The following MINDY2 variants were observed in gnomAD, a reference collection of about 807,000 sequenced individuals.
The protein encoded by MINDY2 is ubiquitin carboxyl-terminal hydrolase MINDY-2.
A neutral mutation model predicts 68.2 loss-of-function variants in MINDY2; 52 were observed. The ratio of observed to expected loss-of-function variants is 0.76; its 90% CI spans 0.61 to 0.96. The LOEUF (loss-of-function observed/expected upper bound fraction) is 0.96, where lower values mean the gene tolerates loss of function less well. MINDY2 is among the 40% of genes least tolerant of loss of function. MINDY2 has a pLI of 0.00. For missense variants in MINDY2, 881 were observed against 773.4 expected, an observed-to-expected ratio of 1.14 and a Z score of -1.65; for synonymous variants, 372 against 303.0, an observed-to-expected ratio of 1.23 and a Z score of -2.36.
chr15:58,794,230 A>T (rs1595717228), intron 2 of MINDY2, among the ~76,000 whole-genome samples: 1 of 152,172 alleles, frequency 6.6e-6, no homozygotes, highest in East Asian at 1.9e-4. Flanking sequence ...GTTGAAGGAA[A>T]ATGTAATGAG....
At chr15:58,780,532 C>T (rs373379122) in intron 1 of MINDY2, among the ~76,000 whole-genome samples, 2 of 152,194 alleles carry the variant, frequency 1.3e-5, no homozygotes, top group South Asian at 2.1e-4. Context: ...TTCAAGATAG[C>T]AATAAGTCTG....
Position 58,833,827 on chromosome 15 carries a change from G to A in MINDY2, c.1368+1911G>A, listed in dbSNP as rs560650467. Among the ~76,000 whole-genome samples, 397 of 151,938 alleles carry A rather than the reference G, an allele frequency of 2.6e-3. 1 individual carries two copies. The highest frequency in any genetic ancestry group is 5.0e-3 in the Admixed American group (76 of 15,238). ...CAGAAGCCTTCCTCTTATCTCAACT[G>A]CAAAGAGGCGTTCCTTCCTCTTTTA... On this transcript the variant is annotated intron_variant, in intron 6 of 8. Coordinates refer to ENST00000559228, the MANE Select transcript of MINDY2 (RefSeq NM_001040450.3).
In MINDY2 at chr15:58,855,275, A is replaced by G. The variant is rs1285238121; in HGVS notation, c.*665A>G. On this transcript the variant is annotated 3_prime_UTR_variant, in exon 9 of 9. Coordinates refer to ENST00000559228, the MANE Select transcript of MINDY2 (RefSeq NM_001040450.3). ...CTTTTCCAATAGCAAAAAGTTACAT[A>G]ACACTAATACTTATAACCTATCAAT... 1 of 152,652 alleles carries G rather than the reference A, an allele frequency of 6.6e-6. No individual in the cohort carries two copies. Among genetic ancestry groups the G allele is most frequent in the Non-Finnish European group, 1.5e-5 (1 of 68,044 alleles). 9.5% of individuals were successfully genotyped at this position (152,652 alleles called of 1,614,324 possible). A position where few individuals can be genotyped will look rare whatever the true frequency, so the allele number is the denominator to read the frequency against.
At chr15:58,781,055 AT>A (rs201302916) in intron 1 of MINDY2, among the ~76,000 whole-genome samples, 1 of 150,296 alleles carries the variant, frequency 6.7e-6, no homozygotes, top group Admixed American at 6.7e-5. Context: ...TTACTAGTTA[AT>A]TTTTTTTTTC....
chr15:58,848,421 T>C (rs1190964306), intron 7 of MINDY2, among the ~76,000 whole-genome samples: 1 of 152,150 alleles, frequency 6.6e-6, no homozygotes, highest in African/African-American at 2.4e-5. Flanking sequence ...ATAATGGCAA[T>C]TTGAAGAGCA....
chr15:58,774,753 T>C (rs2140887275), intron 1 of MINDY2, among the ~76,000 whole-genome samples: 1 of 152,250 alleles, frequency 6.6e-6, no homozygotes, highest in South Asian at 2.1e-4. Flanking sequence ...AATAGTGTAT[T>C]GAAAGATACT....
chr15:58,795,816 T>G (rs1215732681), intron 2 of MINDY2, among the ~76,000 whole-genome samples: 3 of 152,058 alleles, frequency 2.0e-5, no homozygotes, highest in Admixed American at 1.3e-4. Context: ...AAGAACCAGT[T>G]TTTGCCCCTT....
intron 5 of MINDY2, among the ~76,000 whole-genome samples, chr15:58,827,492 CTTG>C (rs1412665450): frequency 6.6e-6 from 1 of 152,122 alleles, no homozygotes; most frequent in African/African-American, 2.4e-5. Flanking sequence ...AGAACGGAGT[CTTG>C]TTGTGTCATC....
At chr15:58,809,329 T>C (rs1356901125) in intron 3 of MINDY2, among the ~76,000 whole-genome samples, 1 of 152,204 alleles carries the variant, frequency 6.6e-6, no homozygotes, top group African/African-American at 2.4e-5. Context: ...ATACAGTATT[T>C]TTACTTTTGT....
intron 8 of MINDY2, among the ~76,000 whole-genome samples, chr15:58,852,965 TTTTTTA>T (rs2032906333): frequency 6.9e-5 from 2 of 29,076 alleles, no homozygotes; most frequent in Non-Finnish European, 8.7e-5. Flanking sequence ...TTTTTTTTTT[TTTTTTA>T]AGACAGAGTC....
chr15:58,772,537 A>G, intron 1 of MINDY2, among the ~76,000 whole-genome samples: 1 of 152,350 alleles, frequency 6.6e-6, no homozygotes, highest in Non-Finnish European at 1.5e-5. Context: ...ATTTTAAACT[A>G]TAATTTCCTA....
At chr15:58,800,682 C>T (rs1424440086) in intron 2 of MINDY2, among the ~76,000 whole-genome samples, 9 of 139,970 alleles carry the variant, frequency 6.4e-5, no homozygotes, top group Non-Finnish European at 1.1e-4. Context: ...TTTTTTGAAA[C>T]GATTAGCCAG....
intron 8 of MINDY2, among the ~76,000 whole-genome samples, chr15:58,853,560 C>T (rs954957408): frequency 2.6e-5 from 4 of 151,950 alleles, no homozygotes; most frequent in African/African-American, 7.3e-5. Flanking sequence ...GTGGCTCACA[C>T]GTATAATCCC....
At chr15:58,794,359 GTGT>G (rs1288108245) in intron 2 of MINDY2, among the ~76,000 whole-genome samples, 1 of 18,424 alleles carries the variant, frequency 5.4e-5, no homozygotes, top group Admixed American at 4.9e-4. Flanking sequence ...TTTTTTTGGG[GTGT>G]GTGTGTGTGT....
chr15:58,838,815 A>G (rs2141036807), intron 6 of MINDY2, among the ~76,000 whole-genome samples: 1 of 151,996 alleles, frequency 6.6e-6, no homozygotes, highest in South Asian at 2.1e-4. Context: ...CCCTGACATC[A>G]AGTGATCTGC....
intron 6 of MINDY2, among the ~76,000 whole-genome samples, chr15:58,840,890 G>C (rs1447202543): frequency 6.9e-6 from 1 of 145,684 alleles, no homozygotes; most frequent in Non-Finnish European, 1.5e-5. Context: ...GGATGGTCTC[G>C]ATCTCCTGAC....
chr15:58,844,803 G>A (rs1381391993), intron 6 of MINDY2, among the ~76,000 whole-genome samples: 2 of 149,532 alleles, frequency 1.3e-5, no homozygotes, highest in Non-Finnish European at 3.0e-5. Context: ...TATAGTTGCA[G>A]CTACTTGGGG....
intron 7 of MINDY2, among the ~76,000 whole-genome samples, chr15:58,850,423 G>T (rs1047289454): frequency 6.6e-6 from 1 of 152,288 alleles, no homozygotes. Flanking sequence ...GTATGGGAAT[G>T]TAGAAAAATA....
chr15:58,795,717 T>C (rs1277995665), intron 2 of MINDY2, among the ~76,000 whole-genome samples: 1 of 152,208 alleles, frequency 6.6e-6, no homozygotes, highest in East Asian at 1.9e-4. Context: ...CGTATGTGTT[T>C]TTTTGTACTG....
Sources: gnomAD v4.1 joint callset for allele counts (sites outside exome capture counted in the v4.1 genomes callset) on GRCh38, gnomAD v4.1.1 for gene constraint, MANE v1.5 for transcripts, NCBI Gene and HGNC (gene_info 2026-07-23, HGNC 2026-07-21) for gene names.